Variants in IGSF10 observed in about 807,000 individuals in gnomAD.
The protein encoded by IGSF10 is immunoglobulin superfamily member 10.
A neutral mutation model predicts 128.2 loss-of-function variants in IGSF10; 126 were observed. The observed-to-expected ratio is 0.98, with a 90% CI of 0.85 to 1.14. The LOEUF (loss-of-function observed/expected upper bound fraction) is 1.14, where lower values mean the gene tolerates loss of function less well. Among genes scored for constraint, IGSF10 ranks in the 50% most tolerant of loss-of-function variants. The probability of loss-of-function intolerance (pLI) is 0.00; values close to 1 mark genes in which losing one functional copy is unlikely to be tolerated. For missense variants in IGSF10, 3,295 were observed against 3,149.8 expected (o/e 1.05, Z -1.10); for synonymous variants, 1,185 against 1,146.2 (o/e 1.03, Z -0.68).
chr3:151,437,524 T>A lies in IGSF10; in HGVS notation c.7037A>T (p.Lys2346Ile). Residue 2346 changes from lysine to isoleucine, a missense_variant, in exon 8 of 8, where the codon AAA becomes ATA. By Grantham distance (102) the Lys-to-Ile change is moderately radical. Coordinates refer to ENST00000282466, the MANE Select transcript of IGSF10 (RefSeq NM_178822.5). ...RPTFRNPFNEKIVAQLGKSTA... is the reference protein window; with the variant it reads ...RPTFRNPFNEIIVAQLGKSTA... ...GGACTTTCCCAGCTGGGCAACTATT[T>A]TTTCATTAAATGGATTTCTAAATGT... 6.2e-7 allele frequency: 1 copy of A among 1,614,186 alleles called. No individual in the cohort carries two copies. Among genetic ancestry groups the A allele is most frequent in the Non-Finnish European group, 8.5e-7 (1 of 1,180,042 alleles).
chr3:151,496,141 G>A, the IGSF10 span, among the ~76,000 whole-genome samples: 18 of 151,938 alleles, frequency 1.2e-4, no homozygotes, highest in Non-Finnish European at 2.2e-4. Flanking sequence ...ATGTACACGT[G>A]GTTTCAGCAA....
At chr3:151,509,606 C>T in the IGSF10 span, among the ~76,000 whole-genome samples, 1 of 152,254 alleles carries the variant, frequency 6.6e-6, no homozygotes, top group African/African-American at 2.4e-5. Context: ...GTTCATCTCA[C>T]TGGGGAGTGC....
chr3:151,539,401 A>C, the IGSF10 span, among the ~76,000 whole-genome samples: 2 of 152,122 alleles, frequency 1.3e-5, no homozygotes, highest in African/African-American at 4.8e-5. Context: ...ACTCCACCTG[A>C]GTGTTTGAGT....
chr3:151,557,412 G>A, the IGSF10 span, among the ~76,000 whole-genome samples: 1 of 152,134 alleles, frequency 6.6e-6, no homozygotes, highest in African/African-American at 2.4e-5. Flanking sequence ...TTTAGTTGAT[G>A]AGAATATGTG....
chr3:151,525,901 A>G, the IGSF10 span, among the ~76,000 whole-genome samples: 2,081 of 152,308 alleles, frequency 0.014, 23 homozygotes, highest in Non-Finnish European at 0.022. Flanking sequence ...GAAGTAACCT[A>G]ATTACAGGAG....
chr3:151,522,146 C>A, the IGSF10 span, among the ~76,000 whole-genome samples: 28 of 151,948 alleles, frequency 1.8e-4, no homozygotes, highest in Admixed American at 3.9e-4. Context: ...AAGACTGAAC[C>A]AGGAAGAAAA....
chr3:151,456,877 AAAAATCAGTTAACATTCTCCATTG>A (rs1721821252), intron 4 of IGSF10, 125 bp downstream of exon 4: 4 of 789,782 alleles, frequency 5.1e-6, no homozygotes, highest in Non-Finnish European at 8.0e-6. Context: ...TTCCACAGTT[AAAAATCAGTTAACATTCTCCATTG>A]ACGTCTGCTT....
the IGSF10 span, among the ~76,000 whole-genome samples, chr3:151,510,193 A>G: frequency 6.6e-6 from 1 of 152,214 alleles, no homozygotes; most frequent in Admixed American, 6.5e-5. Flanking sequence ...TGGGCCCCTG[A>G]CGCCCAAGTA....
the IGSF10 span, among the ~76,000 whole-genome samples, chr3:151,564,658 T>G: frequency 2.6e-5 from 4 of 152,134 alleles, no homozygotes; most frequent in African/African-American, 7.2e-5. Flanking sequence ...TTGCTTTGCT[T>G]GATATCTGCA....
chr3:151,510,235 G>A, the IGSF10 span, among the ~76,000 whole-genome samples: 45,385 of 152,050 alleles, frequency 0.3, 7,506 homozygotes, highest in Middle Eastern at 0.42. Context: ...CAGTAGGGGC[G>A]GACTGACACC....
the IGSF10 span, among the ~76,000 whole-genome samples, chr3:151,486,053 C>T: frequency 1.3e-5 from 2 of 152,108 alleles, no homozygotes; most frequent in Non-Finnish European, 2.9e-5. Context: ...ATTCAGGAGA[C>T]CCATCTCACG....
rs1044734106 is a variant in IGSF10 at position 151,447,378 on chromosome 3, G to T, written c.2603C>A (p.Thr868Lys). 6.2e-7 allele frequency: 1 copy of T among 1,614,042 alleles called. No individual in the cohort carries two copies. Among genetic ancestry groups the T allele is most frequent in the Non-Finnish European group, 8.5e-7 (1 of 1,179,996 alleles). ...TGGGTTTATATTCTTTGACATGGCT[G>T]TAGTTTTAATAGCAGTAGACAGTTT... The part of the protein sequence containing the change: ...DFKLSTAIKT[T>K]AMSKNINPTM... Residue 868 changes from threonine (T) to lysine (K), a missense_variant, in exon 6 of 8, where the codon ACA becomes AAA. By Grantham distance (78) the Thr-to-Lys change is moderately conservative. Transcript: ENST00000282466.
upstream of IGSF10, among the ~76,000 whole-genome samples, chr3:151,465,324 C>T (rs780312381): frequency 2.0e-5 from 3 of 152,184 alleles, no homozygotes; most frequent in Non-Finnish European, 4.4e-5. Flanking sequence ...GCAGAAGGAG[C>T]ACAAGAATGA....
intron 3 of IGSF10, among the ~76,000 whole-genome samples, chr3:151,457,588 G>C (rs555461938): frequency 1.3e-5 from 2 of 152,242 alleles, no homozygotes; most frequent in East Asian, 1.9e-4. Flanking sequence ...TGGGCGTCTC[G>C]TTTGGGTATG....
downstream of IGSF10, chr3:151,432,818 G>C: frequency 6.2e-7 from 1 of 1,608,234 alleles, no homozygotes; most frequent in Non-Finnish European, 8.5e-7. Context: ...TGCAAGAGGA[G>C]AAGACATGAC....
chr3:151,501,724 G>A, the IGSF10 span, among the ~76,000 whole-genome samples: 1 of 152,072 alleles, frequency 6.6e-6, no homozygotes, highest in Non-Finnish European at 1.5e-5. Context: ...TCTCAGAAAT[G>A]ATTAAGAGTC....
the IGSF10 span, among the ~76,000 whole-genome samples, chr3:151,486,180 A>G: frequency 1.3e-5 from 2 of 152,194 alleles, no homozygotes; most frequent in Non-Finnish European, 2.9e-5. Context: ...CTAGTATCTG[A>G]TAAAACAGAT....
chr3:151,606,208 A>G, the IGSF10 span, among the ~76,000 whole-genome samples: 1 of 152,150 alleles, frequency 6.6e-6, no homozygotes, highest in African/African-American at 2.4e-5. Context: ...ATATTTATTT[A>G]ATTCCTTTAA....
At chr3:151,596,335 G>A in the IGSF10 span, among the ~76,000 whole-genome samples, 736 of 152,082 alleles carry the variant, frequency 4.8e-3, 3 homozygotes, top group South Asian at 0.016. Flanking sequence ...AATTAGATGC[G>A]TCAGACATAA....
Sources: allele counts gnomAD v4.1 joint callset (sites outside exome capture counted in the v4.1 genomes callset), GRCh38; gene constraint gnomAD v4.1.1; transcripts MANE v1.5; gene names NCBI Gene and HGNC (gene_info 2026-07-23, HGNC 2026-07-21).